BCO1: variants seen among roughly 807,000 people sequenced by gnomAD.
BCO1 encodes beta,beta-carotene 15,15'-dioxygenase.
In BCO1, 54 loss-of-function variants were observed where a neutral mutation model predicts 56.3. That is an observed-to-expected ratio of 0.96 (90% CI 0.77 to 1.20). The LOEUF is 1.20. Among genes scored for constraint, BCO1 ranks in the 50% most tolerant of loss-of-function variants. The probability of loss-of-function intolerance (pLI) is 0.00; values close to 1 mark genes in which losing one functional copy is unlikely to be tolerated. For missense variants in BCO1, 801 were observed against 690.9 expected (o/e 1.16, Z -1.79); for synonymous variants, 318 against 266.1 (o/e 1.20, Z -1.90).
At position 81,245,576 on chromosome 16, in the gene BCO1, C is replaced by T. The variant is rs970446615; in HGVS notation, c.166C>T (p.Leu56=). The T allele has an allele frequency of 3.1e-6, 5 of 1,614,232 alleles. No homozygotes were observed. Among genetic ancestry groups the T allele is most frequent in the Non-Finnish European group, 4.2e-6 (5 of 1,180,036 alleles). The change falls in exon 2 of 11, where the codon CTG becomes TTG. Residue 56 remains leucine, a synonymous_variant. Transcript: ENST00000258168. The part of the protein sequence containing the change: ...RYNHWFDGLA[L]LHSFTIRDGE... ...CAACCATTGGTTCGACGGCCTTGCC[C>T]TGCTCCACAGCTTCACCATCAGAGA...
At chr16:81,251,874 A>ATGTGTG (rs56069135) in intron 2 of BCO1, among the ~76,000 whole-genome samples, 29,545 of 146,554 alleles carry the variant, frequency 0.2, 3,193 homozygotes, top group Middle Eastern at 0.31. Flanking sequence ...ACACACATAT[A>ATGTGTG]TGTGTGTGTG....
At chr16:81,251,051 C>T (rs1022145130) in intron 2 of BCO1, among the ~76,000 whole-genome samples, 3 of 152,190 alleles carry the variant, frequency 2.0e-5, no homozygotes, top group Non-Finnish European at 4.4e-5. Flanking sequence ...TAACCAAAAC[C>T]ATGTTATTAA....
rs986088016 is a variant in BCO1 at position 81,278,254 on chromosome 16, C to G, written c.1102-2603C>G. On this transcript the variant is annotated intron_variant, in intron 7 of 10. Transcript: ENST00000258168. ...ATGGGGTTTCACCATGTTAGCCAGG[C>G]TGGTCTCGAACTCCTGACCTCAGAT... Among the ~76,000 whole-genome samples the G allele has an allele frequency of 2.0e-5, 3 of 152,188 alleles. No homozygotes were observed. The East Asian group carries it at 5.8e-4, about 29-fold the overall frequency.
chr16:81,241,084 T>C (rs563008661), intron 1 of BCO1, among the ~76,000 whole-genome samples: 1 of 152,298 alleles, frequency 6.6e-6, no homozygotes, highest in Admixed American at 6.5e-5. Context: ...TCCGCCCGTG[T>C]TGGCCTCCCA....
chr16:81,266,811 A>G (rs2151939858), intron 5 of BCO1, among the ~76,000 whole-genome samples: 1 of 152,228 alleles, frequency 6.6e-6, no homozygotes. Context: ...CTCATGCCCC[A>G]TCCTGCTCCT....
At chr16:81,276,903 C>G (rs914057839) in intron 7 of BCO1, among the ~76,000 whole-genome samples, 2 of 151,214 alleles carry the variant, frequency 1.3e-5, no homozygotes, top group African/African-American at 4.9e-5. Context: ...CCCATCTCTA[C>G]TAAAAATACA....
At position 81,262,204 on chromosome 16, in the gene BCO1, G is replaced by A; in HGVS notation, c.392G>A (p.Cys131Tyr). Residue 131 changes from cysteine to tyrosine, a missense_variant, in exon 4 of 11, where the codon TGC (cysteine) becomes TAC (tyrosine). Transcript: ENST00000258168. ...TDNCLINIMK[C>Y]GEDFYATSET... is the part of the protein sequence containing the mutation. ...AACTGCCTGATCAACATCATGAAGT[G>A]CGGAGAAGACTTCTACGCGACCTCA... 1.9e-6 allele frequency: 3 copies of A among 1,613,862 alleles called. No individual in the cohort carries two copies. Among genetic ancestry groups the A allele is most frequent in the South Asian group, 1.1e-5 (1 of 91,056 alleles).
intron 7 of BCO1, among the ~76,000 whole-genome samples, chr16:81,278,332 G>A (rs184919730): frequency 1.6e-4 from 25 of 152,030 alleles, no homozygotes; most frequent in Admixed American, 7.2e-4. Flanking sequence ...ATGAGCCCCC[G>A]CACTCAGCTA....
intron 2 of BCO1, among the ~76,000 whole-genome samples, chr16:81,249,776 C>G (rs1319676218): frequency 6.6e-6 from 1 of 152,202 alleles, no homozygotes; most frequent in Non-Finnish European, 1.5e-5. Context: ...GATTTGTTTT[C>G]CCTCCATCTT....
At chr16:81,275,299 C>T (rs1024560434) in intron 7 of BCO1, among the ~76,000 whole-genome samples, 2 of 152,220 alleles carry the variant, frequency 1.3e-5, no homozygotes, top group African/African-American at 2.4e-5. Flanking sequence ...ATTGGGATCC[C>T]CTGGAGAGCC....
chr16:81,285,081 C>A (rs188623396), intron 8 of BCO1, among the ~76,000 whole-genome samples: 1 of 152,270 alleles, frequency 6.6e-6, no homozygotes, highest in African/African-American at 2.4e-5. Flanking sequence ...CTCAAGTGAT[C>A]TGCCCGCCTC....
At chr16:81,259,604 A>G (rs1251811164) in intron 2 of BCO1, 72 bp from the exon 3 acceptor site, 8 of 1,603,050 alleles carry the variant, frequency 5.0e-6, no homozygotes, top group South Asian at 2.2e-5. Context: ...TAAAACCCAT[A>G]CAAGGACTGA....
chr16:81,269,681 C>G (rs1907064796), intron 6 of BCO1, among the ~76,000 whole-genome samples: 1 of 152,158 alleles, frequency 6.6e-6, no homozygotes, highest in African/African-American at 2.4e-5. Flanking sequence ...GTTGGCCAGG[C>G]TAGTCTTGAA....
At chr16:81,248,545 G>A (rs779208872) in intron 2 of BCO1, among the ~76,000 whole-genome samples, 2 of 152,134 alleles carry the variant, frequency 1.3e-5, no homozygotes, top group South Asian at 2.1e-4. Flanking sequence ...TGAAAAGCGC[G>A]AGCTCTGAGT....
chr16:81,278,045 AT>A (rs1383644183), intron 7 of BCO1, among the ~76,000 whole-genome samples: 1 of 151,716 alleles, frequency 6.6e-6, no homozygotes, highest in African/African-American at 2.4e-5. Context: ...TGTTTATTTT[AT>A]TTTATTTTTT....
At chr16:81,284,386 G>A (rs1337511520) in intron 8 of BCO1, among the ~76,000 whole-genome samples, 1 of 151,606 alleles carries the variant, frequency 6.6e-6, no homozygotes, top group Non-Finnish European at 1.5e-5. Context: ...GAGAAACTTA[G>A]ATTCTATCAT....
Position 81,268,090 on chromosome 16 carries a change from A to G in BCO1, c.802A>G (p.Met268Val). ...GATGGCAACCGCATACATCCGGAGA[A>G]TGAGCTGGGCCTCCTGCCTGGCTTT... ...LKMATAYIRR[M>V]SWASCLAFHR... The change falls in exon 6 of 11, where the codon ATG becomes GTG. Residue 268 changes from methionine to valine, a missense_variant. Physicochemically the swap from Met to Val is conservative, Grantham distance 21. Coordinates refer to ENST00000258168, the MANE Select transcript of BCO1 (RefSeq NM_017429.3). 1.2e-6 allele frequency: 2 copies of G among 1,611,796 alleles called. No individual in the cohort carries two copies. Among genetic ancestry groups the G allele is most frequent in the Non-Finnish European group, 1.7e-6 (2 of 1,179,996 alleles).
In BCO1 at chr16:81,290,550, C is replaced by T. The variant is rs201890012; in HGVS notation, c.1617C>T (p.Ser539=). ...CTGAGGAACAGCGGGACAGGGCTTC[C>T]GACTGCCACGGGGCTCCTCTGACCT... The part of the protein sequence containing the change: ...AASEEQRDRA[S]DCHGAPLT The change falls in exon 11 of 11, where the codon TCC becomes TCT. Residue 539 remains serine, a synonymous_variant. Transcript: ENST00000258168. 3.5e-5 allele frequency: 57 copies of T among 1,613,736 alleles called. No individual in the cohort carries two copies. Among genetic ancestry groups the T allele is most frequent in the African/African-American group, 9.3e-5 (7 of 74,880 alleles).
At chr16:81,265,283 A>G (rs896158131) in intron 5 of BCO1, among the ~76,000 whole-genome samples, 4 of 147,628 alleles carry the variant, frequency 2.7e-5, no homozygotes, top group African/African-American at 1.0e-4. Context: ...CCATTCATCC[A>G]TTCACCCACC....
Sources: allele counts gnomAD v4.1 joint callset (sites outside exome capture counted in the v4.1 genomes callset), GRCh38; gene constraint gnomAD v4.1.1; transcripts MANE v1.5; gene names NCBI Gene and HGNC (gene_info 2026-07-23, HGNC 2026-07-21).